AFAP1L2: variants seen among roughly 807,000 people sequenced by gnomAD.
The protein encoded by AFAP1L2 is actin filament associated protein 1 like 2, also known as actin filament-associated protein 1-like 2.
AFAP1L2 carries 46 observed loss-of-function variants against 99.3 expected under a neutral mutation model. That is an observed-to-expected ratio of 0.46 (90% CI 0.37 to 0.59). AFAP1L2 has a LOEUF of 0.59. AFAP1L2 is among the 20% of genes least tolerant of loss of function. The pLI is 0.00. For missense variants in AFAP1L2, 959 were observed against 1,034.9 expected, an observed-to-expected ratio of 0.93 and a Z score of 1.01; for synonymous variants, 397 against 419.1, an observed-to-expected ratio of 0.95 and a Z score of 0.64.
chr10:114,401,396 C>T lies in AFAP1L2; in HGVS notation c.16+3044G>A, dbSNP rs976535320. Among the ~76,000 whole-genome samples, 4 of 152,262 alleles carry T rather than the reference C, an allele frequency of 2.6e-5. No homozygotes were observed. In the East Asian group the frequency reaches 7.7e-4, roughly 29 times the overall value. On this transcript the variant is annotated intron_variant, in intron 1 of 18. Coordinates refer to ENST00000304129, the MANE Select transcript of AFAP1L2 (RefSeq NM_001001936.3). ...GGTGAGTTCAGCCAATGGGCTCATG[C>T]ACAGCGATAAAAGGATGCTCTTATG...
chr10:114,346,845 A>T (rs1403523014), intron 1 of AFAP1L2, among the ~76,000 whole-genome samples: 1 of 151,930 alleles, frequency 6.6e-6, no homozygotes, highest in African/African-American at 2.4e-5. Flanking sequence ...TGCTCGATTC[A>T]TTGCCCTCCT....
chr10:114,394,995 C>T (rs1337184805), intron 1 of AFAP1L2, among the ~76,000 whole-genome samples: 4 of 152,120 alleles, frequency 2.6e-5, no homozygotes, highest in Non-Finnish European at 4.4e-5. Flanking sequence ...GCCACAATTC[C>T]GGTAACATCA....
chr10:114,398,933 C>A (rs994529624), intron 1 of AFAP1L2: 1 of 1,304,218 alleles, frequency 7.7e-7, no homozygotes, highest in Admixed American at 2.3e-5. Flanking sequence ...AGGCTCAAGT[C>A]GGGAAAGCCA....
chr10:114,319,556 C>A (rs548782493), intron 5 of AFAP1L2: 1 of 1,289,284 alleles, frequency 7.8e-7, no homozygotes, highest in South Asian at 1.2e-5. Context: ...GGGGAGTAAG[C>A]AGTACCCAAG....
chr10:114,286,746 T>TA, the AFAP1L2 span, among the ~76,000 whole-genome samples: 12 of 152,346 alleles, frequency 7.9e-5, no homozygotes, highest in East Asian at 2.3e-3. Flanking sequence ...ATGGGCAGTG[T>TA]ACATGCTTAG....
intron 1 of AFAP1L2, among the ~76,000 whole-genome samples, chr10:114,344,417 G>A (rs544152219): frequency 1.3e-5 from 2 of 152,182 alleles, no homozygotes; most frequent in African/African-American, 4.8e-5. Context: ...ACTTCTCAAG[G>A]CTGTCCCTCT....
chr10:114,387,701 T>C (rs577498262), intron 1 of AFAP1L2, among the ~76,000 whole-genome samples: 2 of 152,324 alleles, frequency 1.3e-5, no homozygotes, highest in Admixed American at 6.5e-5. Flanking sequence ...AAGCCTGATA[T>C]GAACCCAATC....
At chr10:114,302,227 C>A in intron 12 of AFAP1L2, 112 bp downstream of exon 12, 1 of 1,442,850 alleles carries the variant, frequency 6.9e-7, no homozygotes, top group Non-Finnish European at 9.6e-7. Flanking sequence ...TGCTGCTGGG[C>A]AGAGTGGGGT....
Position 114,295,825 on chromosome 10 carries a change from T to G in AFAP1L2, c.*217A>C, listed in dbSNP as rs1589884940. ...AACGTCTTGTTTACATCCAATAGAC[T>G]TAGGTCTCCAAAGAAGCCTCCTTTT... On this transcript the variant is annotated 3_prime_UTR_variant, in exon 19 of 19. Coordinates refer to ENST00000304129, the MANE Select transcript of AFAP1L2 (RefSeq NM_001001936.3). The G allele has an allele frequency of 1.4e-6, 2 of 1,385,632 alleles. No homozygotes were observed. Among genetic ancestry groups the G allele is most frequent in the South Asian group, 1.8e-5 (1 of 55,802 alleles). The allele number at this position is 1,385,632 out of a possible 1,614,324, so 85.8% of individuals were successfully genotyped here.
intron 6 of AFAP1L2, among the ~76,000 whole-genome samples, chr10:114,314,943 C>G (rs1292881047): frequency 6.6e-6 from 1 of 152,096 alleles, no homozygotes; most frequent in Non-Finnish European, 1.5e-5. Context: ...GAGTTCGAGA[C>G]CAGCCTGACC....
intron 1 of AFAP1L2, among the ~76,000 whole-genome samples, chr10:114,360,509 T>TAGA (rs61366681): frequency 5.6e-5 from 6 of 107,358 alleles, no homozygotes; most frequent in East Asian, 2.6e-4. Context: ...AGATAGATAG[T>TAGA]TAGATAGATA....
chr10:114,281,351 G>C, the AFAP1L2 span: 5 of 152,390 alleles, frequency 3.3e-5, no homozygotes, highest in East Asian at 9.7e-4. Flanking sequence ...GAGAGGCGAG[G>C]GTGAGGCCCA....
chr10:114,384,331 C>CCA (rs2056201985), intron 1 of AFAP1L2, among the ~76,000 whole-genome samples: 1 of 151,676 alleles, frequency 6.6e-6, no homozygotes, highest in African/African-American at 2.4e-5. Flanking sequence ...TCGTCCCCCC[C>CCA]CCGCTGCAAG....
chr10:114,298,545 C>CA (rs2040609926), intron 16 of AFAP1L2, among the ~76,000 whole-genome samples: 1 of 152,014 alleles, frequency 6.6e-6, no homozygotes, highest in Non-Finnish European at 1.5e-5. Context: ...TGGAAAGGTT[C>CA]TAGAAGAGGC....
chr10:114,344,973 T>C (rs2049305031), intron 1 of AFAP1L2, among the ~76,000 whole-genome samples: 2 of 151,852 alleles, frequency 1.3e-5, no homozygotes, highest in Admixed American at 1.3e-4. Flanking sequence ...GGCGTGCACC[T>C]GTAATCCCAG....
intron 1 of AFAP1L2, among the ~76,000 whole-genome samples, 162 bp downstream of exon 1, chr10:114,404,278 C>T (rs1238667876): frequency 6.6e-6 from 1 of 152,200 alleles, no homozygotes; most frequent in Non-Finnish European, 1.5e-5. Context: ...CCGCCCAGTC[C>T]GCGGCGCCGC....
chr10:114,285,566 G>A, the AFAP1L2 span, among the ~76,000 whole-genome samples: 4 of 152,196 alleles, frequency 2.6e-5, no homozygotes, highest in African/African-American at 9.6e-5. Flanking sequence ...ATTCTAGCGT[G>A]GCTATAGACC....
At chr10:114,316,178 G>C (rs2044107170) in intron 5 of AFAP1L2, among the ~76,000 whole-genome samples, 1 of 152,184 alleles carries the variant, frequency 6.6e-6, no homozygotes, top group African/African-American at 2.4e-5. Context: ...ATGTTGCCAG[G>C]TTCTCCCAGG....
At position 114,331,811 on chromosome 10, in the gene AFAP1L2, G is replaced by A. The variant is rs2047279802; in HGVS notation, c.307C>T (p.Pro103Ser). ...CCTGAACTGATGCTTACCATCTTGG[G>A]TGGCGGGAGGTCTGGAAGGCTCTTC... ...PQKSLPDLPP[P>S]KMIPERKQLA... Residue 103 changes from proline to serine, a missense_variant, in exon 4 of 19, where the codon CCC becomes TCC. Pro to Ser is a moderately conservative substitution (Grantham distance 74). Transcript: ENST00000304129. The A allele has an allele frequency of 1.4e-6, 2 of 1,389,248 alleles. No homozygotes were observed. Among genetic ancestry groups the A allele is most frequent in the East Asian group, 3.0e-5 (1 of 33,280 alleles). 86.1% of individuals were successfully genotyped at this position (1,389,248 alleles called of 1,614,324 possible).
Sources: gnomAD v4.1 joint callset for allele counts (sites outside exome capture counted in the v4.1 genomes callset) on GRCh38, gnomAD v4.1.1 for gene constraint, MANE v1.5 for transcripts, NCBI Gene and HGNC (gene_info 2026-07-23, HGNC 2026-07-21) for gene names.